Variants in RNF32 observed in about 807,000 individuals in gnomAD.
RNF32 encodes ring finger protein 32.
RNF32 carries 36 observed loss-of-function variants against 41.0 expected under a neutral mutation model. The ratio of observed to expected loss-of-function variants is 0.88; its 90% CI spans 0.67 to 1.16. RNF32 has a LOEUF of 1.16. Among genes scored for constraint, RNF32 ranks in the 50% most tolerant of loss-of-function variants. The pLI is 0.00. For synonymous variants in RNF32, 154 were observed against 160.9 expected (o/e 0.96, Z 0.32); for missense variants, 413 against 436.7 (o/e 0.95, Z 0.48).
intron 3 of RNF32, among the ~76,000 whole-genome samples, chr7:156,647,769 T>C (rs1798164603): frequency 2.6e-5 from 4 of 152,224 alleles, no homozygotes; most frequent in Admixed American, 6.5e-5. Context: ...CTGTTCTCCA[T>C]AGAGGTTGTA....
rs1305274319 is a variant in RNF32, at chr7:156,658,115, TG to T, written c.451-12del. On this transcript the variant is annotated splice_polypyrimidine_tract_variant and intron_variant, in intron 5 of 8. Transcript: ENST00000317955. ...ATTACTTGTAAAATTTTAAGTGAAA[TG>T]TTTTTCTTCAGGCATGTCTTCAGGC... 3 of 1,607,156 alleles carry T rather than the reference TG, an allele frequency of 1.9e-6. No individual in the cohort carries two copies. The highest frequency in any genetic ancestry group is 2.5e-6 in the Non-Finnish European group (3 of 1,177,672).
intron 7 of RNF32, among the ~76,000 whole-genome samples, chr7:156,673,248 T>G (rs905957134): frequency 6.6e-6 from 1 of 152,234 alleles, no homozygotes; most frequent in African/African-American, 2.4e-5. Flanking sequence ...AGAAAAGATC[T>G]TGCTTTTCAG....
chr7:156,671,707 T>TA (rs1802585300), intron 7 of RNF32, among the ~76,000 whole-genome samples: 2 of 152,296 alleles, frequency 1.3e-5, no homozygotes, highest in Non-Finnish European at 2.9e-5. Flanking sequence ...CCCCAACAGT[T>TA]AGTTTTTCAG....
At chr7:156,659,592 A>C in intron 7 of RNF32, 2 of 952,138 alleles carry the variant, frequency 2.1e-6, no homozygotes, top group Non-Finnish European at 1.3e-6. Flanking sequence ...TACAATTTTA[A>C]TTACAGATTT....
intron 3 of RNF32, among the ~76,000 whole-genome samples, chr7:156,653,168 A>C (rs1461863889): frequency 6.6e-6 from 1 of 152,044 alleles, no homozygotes; most frequent in Non-Finnish European, 1.5e-5. Context: ...ACACAGGTAC[A>C]CCATTTTTAA....
Position 156,670,089 on chromosome 7 carries a change from T to G in RNF32, c.685-5607T>G, listed in dbSNP as rs1802148096. On this transcript the variant is annotated intron_variant, in intron 7 of 8. Transcript: ENST00000317955. This position sits in a 1 kb window ranked among gnomAD's most constrained non-coding sequence, Gnocchi z 4.3. ...TCTAAGAAAAAATTAAATTATAAAT[T>G]TTATGACTTTCACAGTGCATCTTTA... 1.3e-5 allele frequency among the ~76,000 whole-genome samples: 2 copies of G among 152,240 alleles called. No individual in the cohort carries two copies. Among genetic ancestry groups the G allele is most frequent in the Admixed American group, 6.5e-5 (1 of 15,288 alleles).
intron 3 of RNF32, among the ~76,000 whole-genome samples, chr7:156,653,269 G>A (rs1330397341): frequency 6.6e-6 from 1 of 152,236 alleles, no homozygotes; most frequent in Non-Finnish European, 1.5e-5. Context: ...ATTCAGTACA[G>A]TAACATGCTG....
At chr7:156,660,085 A>T in intron 7 of RNF32, 1 of 985,862 alleles carries the variant, frequency 1.0e-6, no homozygotes, top group African/African-American at 1.7e-5. Context: ...GGTTCATCCC[A>T]ACTGCTGCCT....
Position 156,658,122 on chromosome 7 carries a change from CT to C in RNF32, c.451-4del. ...GTAAAATTTTAAGTGAAATGTTTTT[CT>C]TCAGGCATGTCTTCAGGCTTTTGAA... On this transcript the variant is annotated splice_region_variant and splice_polypyrimidine_tract_variant and intron_variant, in intron 5 of 8. Coordinates refer to ENST00000317955, the MANE Select transcript of RNF32 (RefSeq NM_030936.4). 3 of 1,606,824 alleles carry C rather than the reference CT, an allele frequency of 1.9e-6. No homozygotes were observed. The highest frequency in any genetic ancestry group is 2.5e-6 in the Non-Finnish European group (3 of 1,177,882).
At chr7:156,654,884 C>T in intron 4 of RNF32, 166 bp downstream of exon 4, 1 of 563,752 alleles carries the variant, frequency 1.8e-6, no homozygotes, top group South Asian at 2.8e-5. Flanking sequence ...GTGTGAAGAG[C>T]TAAACACCCT....
At chr7:156,641,562 C>T (rs192687475) in intron 1 of RNF32, among the ~76,000 whole-genome samples, 17 of 152,210 alleles carry the variant, frequency 1.1e-4, no homozygotes, top group African/African-American at 3.6e-4. Flanking sequence ...TTTTCAATAC[C>T]TTTAAATTCT....
At position 156,657,583 on chromosome 7, in the gene RNF32, C is replaced by A. The variant is rs768496525; in HGVS notation, c.450+10C>A. 20 of 1,613,552 alleles carry A rather than the reference C, an allele frequency of 1.2e-5. No individual in the cohort carries two copies. The highest frequency in any genetic ancestry group is 3.3e-5 in the Admixed American group (2 of 59,998). On this transcript the variant is annotated intron_variant, in intron 5 of 8. Transcript: ENST00000317955. ...CCATGTGTTCCACAAAGTAAGTCCA[C>A]CCCTCACGCCTGCCCAGGTGCTGCA...
chr7:156,649,507 A>G (rs1233106306), intron 3 of RNF32, among the ~76,000 whole-genome samples: 1 of 151,702 alleles, frequency 6.6e-6, no homozygotes, highest in Non-Finnish European at 1.5e-5. Flanking sequence ...CGTTTCATTT[A>G]CTTACTTATG....
At chr7:156,650,044 G>A (rs933324704) in intron 3 of RNF32, among the ~76,000 whole-genome samples, 1 of 152,096 alleles carries the variant, frequency 6.6e-6, no homozygotes, top group African/African-American at 2.4e-5. Flanking sequence ...CCTTTAAGCG[G>A]GGTGAGGAGA....
intron 3 of RNF32, among the ~76,000 whole-genome samples, chr7:156,646,294 C>T (rs1797966373): frequency 6.6e-6 from 1 of 152,206 alleles, no homozygotes; most frequent in South Asian, 2.1e-4. Context: ...TCCAAAATGG[C>T]GCTGTTGGCA....
rs752880636 is a variant in RNF32 at position 156,644,479 on chromosome 7, A to T, written c.16-20A>T. 1.9e-6 allele frequency: 3 copies of T among 1,586,788 alleles called. No homozygotes were observed. The highest frequency in any genetic ancestry group is 1.7e-6 in the Non-Finnish European group (2 of 1,160,014). On this transcript the variant is annotated intron_variant, in intron 2 of 8. Coordinates refer to ENST00000317955, the MANE Select transcript of RNF32 (RefSeq NM_030936.4). ...ATTACATAATACTCCTCTAAATATG[A>T]CTTTTTTCCTACTTTTTAGGGTCAC...
intron 7 of RNF32, chr7:156,658,825 AT>A: frequency 7.5e-7 from 1 of 1,341,336 alleles, no homozygotes; most frequent in Non-Finnish European, 1.0e-6. Flanking sequence ...CTGTTTGGCC[AT>A]TTTGTGCTAA....
intron 7 of RNF32, among the ~76,000 whole-genome samples, chr7:156,675,490 A>T (rs1415316543): frequency 6.6e-6 from 1 of 152,208 alleles, no homozygotes; most frequent in Non-Finnish European, 1.5e-5. Context: ...TCTGGACTCC[A>T]TCAGATAGGG....
chr7:156,640,551 G>A (rs1167413080), upstream of RNF32: 7 of 389,608 alleles, frequency 1.8e-5, no homozygotes, highest in Admixed American at 3.2e-5. Context: ...TCTAGACGCT[G>A]ACGCCGTGCG....
Sources: allele counts gnomAD v4.1 joint callset (sites outside exome capture counted in the v4.1 genomes callset), GRCh38; gene constraint gnomAD v4.1.1; non-coding constraint Gnocchi (gnomAD v3.1); transcripts MANE v1.5; gene names NCBI Gene and HGNC (gene_info 2026-07-23, HGNC 2026-07-21).